GDA: variants seen among roughly 807,000 people sequenced by gnomAD.
GDA encodes guanine deaminase.
A neutral mutation model predicts 59.6 loss-of-function variants in GDA; 18 were observed. The ratio of observed to expected loss-of-function variants is 0.30; its 90% CI spans 0.21 to 0.45. The LOEUF is 0.45. Among genes scored for constraint, GDA ranks in the 20% least tolerant of loss-of-function variants. The probability of loss-of-function intolerance (pLI) is 1.00; values close to 1 mark genes in which losing one functional copy is unlikely to be tolerated. For missense variants in GDA, 427 were observed against 552.3 expected, an observed-to-expected ratio of 0.77 and a Z score of 2.27; for synonymous variants, 201 against 201.1, an observed-to-expected ratio of 1.00 and a Z score of 0.00.
intron 3 of GDA, among the ~76,000 whole-genome samples, chr9:72,207,200 CTTCT>C (rs1834831838): frequency 1.3e-5 from 2 of 151,966 alleles, no homozygotes; most frequent in Admixed American, 6.6e-5. Context: ...TTCTGTCTTC[CTTCT>C]GTTTCTAGGA....
intron 1 of GDA, among the ~76,000 whole-genome samples, chr9:72,135,233 T>TGA: frequency 6.6e-6 from 1 of 152,054 alleles, no homozygotes; most frequent in East Asian, 1.9e-4. Context: ...TGTGTGTGTG[T>TGA]GTGTGTGTGT....
chr9:72,123,009 A>T (rs919480054), intron 1 of GDA, among the ~76,000 whole-genome samples: 3 of 152,138 alleles, frequency 2.0e-5, no homozygotes, highest in East Asian at 1.9e-4. Flanking sequence ...CTGTGTATTC[A>T]TATTTTAAGA....
chr9:72,247,172 A>G (rs575795061), intron 12 of GDA, among the ~76,000 whole-genome samples: 2 of 152,344 alleles, frequency 1.3e-5, no homozygotes, highest in Admixed American at 1.3e-4. Flanking sequence ...CAAAATTCAC[A>G]TACCCAGAAC....
At chr9:72,252,696 T>C (rs145673312), downstream of GDA, among the ~76,000 whole-genome samples, 3 of 152,356 alleles carry the variant, frequency 2.0e-5, no homozygotes, top group African/African-American at 7.2e-5. Context: ...AGTTGGTTTC[T>C]TGAGCTTCTA....
chr9:72,206,381 G>A (rs866697167), intron 3 of GDA, among the ~76,000 whole-genome samples: 46 of 150,770 alleles, frequency 3.1e-4, no homozygotes, highest in Middle Eastern at 3.2e-3. Flanking sequence ...TTTTTTTGCC[G>A]TGTATACTAT....
Position 72,251,258 on chromosome 9 carries a change from C to A in GDA, c.*2916C>A, listed in dbSNP as rs150750757. The A allele has an allele frequency of 3.1e-5, 5 of 159,690 alleles. No homozygotes were observed. Among genetic ancestry groups the A allele is most frequent in the African/African-American group, 1.2e-4 (5 of 41,508 alleles). The allele number at this position is 159,690 out of a possible 1,614,324, so 9.9% of individuals were successfully genotyped here. A position where few individuals can be genotyped will look rare whatever the true frequency, so the allele number is the denominator to read the frequency against. On this transcript the variant is annotated 3_prime_UTR_variant, in exon 14 of 14. Coordinates refer to ENST00000358399, the MANE Select transcript of GDA (RefSeq NM_004293.5). ...TACCCTTCAATATCCCCATTGGCAA[C>A]TGCAGCTGAGATCTTAGAGAGGAAA...
chr9:72,183,060 A>G (rs760327108), intron 1 of GDA, among the ~76,000 whole-genome samples: 2 of 152,102 alleles, frequency 1.3e-5, no homozygotes, highest in Non-Finnish European at 2.9e-5. Flanking sequence ...TTTCCTTACC[A>G]GAGCCCTGGA....
At chr9:72,256,653 GA>G (rs1310898976), downstream of GDA, among the ~76,000 whole-genome samples, 3 of 152,300 alleles carry the variant, frequency 2.0e-5, no homozygotes, top group East Asian at 5.8e-4. Context: ...TTGACTTCTG[GA>G]AAAGTAAGAT....
rs534376446 is a variant in GDA, at chr9:72,211,242, A to C, written c.472+468A>C. Among the ~76,000 whole-genome samples, 3 of 152,334 alleles carry C rather than the reference A, an allele frequency of 2.0e-5. No individual in the cohort carries two copies. The East Asian group carries it at 5.8e-4, about 29-fold the overall frequency. On this transcript the variant is annotated intron_variant, in intron 4 of 13. Coordinates refer to ENST00000358399, the MANE Select transcript of GDA (RefSeq NM_004293.5). ...TTGAGAAGCCAGACAGAATACCTAC[A>C]CCATTGATCACTAACCTTAGTAACA...
intron 5 of GDA, among the ~76,000 whole-genome samples, chr9:72,215,257 G>A (rs1015559912): frequency 6.6e-6 from 1 of 152,086 alleles, no homozygotes; most frequent in Non-Finnish European, 1.5e-5. Context: ...ACTACAAAAG[G>A]ATTTTTTTAA....
rs200401710 is a variant in GDA at position 72,229,715 on chromosome 9, C to G, written c.921-1399C>G. ...GCTGAGAAAGCTCCTAGGCAAAGAG[C>G]TGGAGGCATTCACAGTTGGAAATCT... is the stretch of plus-strand genomic sequence containing the variant. On this transcript the variant is annotated intron_variant, in intron 9 of 13. Coordinates refer to ENST00000358399, the MANE Select transcript of GDA (RefSeq NM_004293.5). Among the ~76,000 whole-genome samples the G allele has an allele frequency of 2.0e-4, 31 of 152,292 alleles. No individual in the cohort carries two copies. In the East Asian group the frequency reaches 3.7e-3, roughly 18 times the overall value.
chr9:72,258,967 C>G (rs115388231), downstream of GDA, among the ~76,000 whole-genome samples: 1,030 of 152,172 alleles, frequency 6.8e-3, 12 homozygotes, highest in African/African-American at 0.024. Flanking sequence ...CATGAATGAT[C>G]TCCTCTGGCT....
intron 1 of GDA, among the ~76,000 whole-genome samples, chr9:72,189,347 ATTTT>A (rs1027028230): frequency 4.6e-5 from 7 of 151,050 alleles, no homozygotes; most frequent in Non-Finnish European, 8.9e-5. Context: ...TACCTGGCTA[ATTTT>A]TTTGATTTTT....
downstream of GDA, among the ~76,000 whole-genome samples, chr9:72,256,173 GTTAA>G (rs1334710474): frequency 1.3e-5 from 2 of 152,108 alleles, no homozygotes; most frequent in Non-Finnish European, 2.9e-5. Flanking sequence ...TTTAAAAATG[GTTAA>G]TTAGTTGGTT....
Position 72,198,006 on chromosome 9 carries a change from G to A in GDA, c.212+2418G>A, listed in dbSNP as rs530780307. ...CCAGGATTAGGGTGAGGGGAGTGAG[G>A]CATTCACCTCAGGCACAAAATTTAA... On this transcript the variant is annotated intron_variant, in intron 2 of 13. Coordinates refer to ENST00000358399, the MANE Select transcript of GDA (RefSeq NM_004293.5). 4.5e-4 allele frequency among the ~76,000 whole-genome samples: 69 copies of A among 152,244 alleles called. 1 individual carries two copies. The South Asian group carries it at 0.012, about 27-fold the overall frequency.
At chr9:72,259,592 T>A (rs528109125), downstream of GDA, among the ~76,000 whole-genome samples, 1 of 152,336 alleles carries the variant, frequency 6.6e-6, no homozygotes. Flanking sequence ...GGAGCCGCTG[T>A]GCAGGGCTCT....
At chr9:72,124,494 G>A in intron 1 of GDA, among the ~76,000 whole-genome samples, 1 of 152,106 alleles carries the variant, frequency 6.6e-6, no homozygotes, top group East Asian at 1.9e-4. Context: ...TATCTGCTCT[G>A]TTTGTCTTGA....
At position 72,250,143 on chromosome 9, in the gene GDA, A is replaced by G. The variant is rs1840545089; in HGVS notation, c.*1801A>G. The G allele has an allele frequency of 2.0e-6, 2 of 985,030 alleles. No individual in the cohort carries two copies. Among genetic ancestry groups the G allele is most frequent in the African/African-American group, 3.5e-5 (2 of 57,230 alleles). The allele number at this position is 985,030 out of a possible 1,614,324, so 61.0% of individuals were successfully genotyped here. ...TCCCCATTTCTCTACGGGGCTAGCA[A>G]AAATCTTCAGCTTTATCACTCAACC... On this transcript the variant is annotated 3_prime_UTR_variant, in exon 14 of 14. Coordinates refer to ENST00000358399, the MANE Select transcript of GDA (RefSeq NM_004293.5).
At chr9:72,134,556 C>A (rs1826150683) in intron 1 of GDA, among the ~76,000 whole-genome samples, 1 of 151,952 alleles carries the variant, frequency 6.6e-6, no homozygotes. Flanking sequence ...CGCCCACCAC[C>A]ATGCCCAGCT....
Sources: allele counts gnomAD v4.1 joint callset (sites outside exome capture counted in the v4.1 genomes callset), GRCh38; gene constraint gnomAD v4.1.1; transcripts MANE v1.5; gene names NCBI Gene and HGNC (gene_info 2026-07-23, HGNC 2026-07-21).